MAPK8: variants seen among roughly 807,000 people sequenced by gnomAD.
MAPK8 encodes the protein mitogen-activated protein kinase 8, also known as JUN N-terminal kinase.
MAPK8 carries 13 observed loss-of-function variants against 52.9 expected under a neutral mutation model. The ratio of observed to expected loss-of-function variants is 0.25; its 90% CI spans 0.16 to 0.39. The LOEUF (loss-of-function observed/expected upper bound fraction) is 0.39. Ranked by LOEUF, MAPK8 falls within the 10% of genes least tolerant of loss-of-function variation. The pLI, the probability that MAPK8 is intolerant of heterozygous loss-of-function variation, is 1.00. For synonymous variants in MAPK8, 191 were observed against 169.8 expected (o/e 1.12, Z -0.97); for missense variants, 300 against 519.2 (o/e 0.58, Z 4.10).
chr10:48,374,792 T>G (rs1425529182), intron 1 of MAPK8, among the ~76,000 whole-genome samples: 1 of 152,078 alleles, frequency 6.6e-6, no homozygotes, highest in African/African-American at 2.4e-5. Flanking sequence ...GATTCACAGT[T>G]GAATTCTACC....
At chr10:48,373,310 A>G (rs1417859704) in intron 1 of MAPK8, among the ~76,000 whole-genome samples, 6 of 152,102 alleles carry the variant, frequency 3.9e-5, no homozygotes, top group South Asian at 4.1e-4. Context: ...CATCAATGCT[A>G]TGAAGAAACT....
At chr10:48,365,817 A>G (rs1031599785) in intron 1 of MAPK8, among the ~76,000 whole-genome samples, 1 of 151,932 alleles carries the variant, frequency 6.6e-6, no homozygotes, top group Non-Finnish European at 1.5e-5. Context: ...AGCATGTCTC[A>G]TGTGTTACAG....
At chr10:48,403,673 CATATT>C (rs768698522) in intron 2 of MAPK8, among the ~76,000 whole-genome samples, 7 of 152,024 alleles carry the variant, frequency 4.6e-5, no homozygotes, top group Non-Finnish European at 8.8e-5. Flanking sequence ...TAAAGAAAAT[CATATT>C]ATATAGTCAG....
chr10:48,432,623 T>G (rs186135620), intron 11 of MAPK8, among the ~76,000 whole-genome samples: 1 of 152,316 alleles, frequency 6.6e-6, no homozygotes, highest in African/African-American at 2.4e-5. Context: ...ATTTGAAAAG[T>G]TCATTATGTG....
At chr10:48,353,054 C>G (rs1006654035) in intron 1 of MAPK8, among the ~76,000 whole-genome samples, 1 of 152,012 alleles carries the variant, frequency 6.6e-6, no homozygotes, top group African/African-American at 2.4e-5. Flanking sequence ...ATGCATAGGA[C>G]TTGTTGGATG....
At chr10:48,419,516 GC>G (rs2043234774) in intron 5 of MAPK8, among the ~76,000 whole-genome samples, 1 of 152,158 alleles carries the variant, frequency 6.6e-6, no homozygotes, top group African/African-American at 2.4e-5. Flanking sequence ...AGTATCTATA[GC>G]AAGTAATTTT....
chr10:48,401,915 CT>C, intron 2 of MAPK8, 133 bp downstream of exon 2: 2 of 653,488 alleles, frequency 3.1e-6, no homozygotes, highest in Non-Finnish European at 2.3e-6. Context: ...TAAACGAAAA[CT>C]ATTCCACAGT....
rs566943599 is a variant in MAPK8 at position 48,403,382 on chromosome 10, C to T, written c.123-1470C>T. Among the ~76,000 whole-genome samples the T allele has an allele frequency of 4.0e-5, 6 of 151,524 alleles. No individual in the cohort carries two copies. In the East Asian group the frequency reaches 5.8e-4, roughly 15 times the overall value. ...CGGAGGCAGGAGAATAGCTTGAACC[C>T]GGGAGGTGGAGGTTGTGGTGAGCTG... On this transcript the variant is annotated intron_variant, in intron 2 of 11. Coordinates refer to ENST00000374189, the MANE Select transcript of MAPK8 (RefSeq NM_001323329.2).
At chr10:48,405,567 T>G (rs2042419745) in intron 3 of MAPK8, among the ~76,000 whole-genome samples, 1 of 152,242 alleles carries the variant, frequency 6.6e-6, no homozygotes, top group Non-Finnish European at 1.5e-5. Context: ...TTTATAAAGA[T>G]ATATAAGTTG....
chr10:48,328,832 T>C (rs17770535), intron 1 of MAPK8, among the ~76,000 whole-genome samples: 8,859 of 152,334 alleles, frequency 0.058, 614 homozygotes, highest in Admixed American at 0.21. Flanking sequence ...ATTTATACTT[T>C]GCCAGTTTGT....
At chr10:48,413,858 T>TATTCAATATATATATATATATATATAACA in intron 5 of MAPK8, among the ~76,000 whole-genome samples, 1 of 133,652 alleles carries the variant, frequency 7.5e-6, no homozygotes, top group South Asian at 2.4e-4. Context: ...TATATATATA[T>TATTCAATATATATATATATATATATAACA]ATTCAGAAAT....
At chr10:48,392,660 C>G (rs1442134333) in intron 1 of MAPK8, among the ~76,000 whole-genome samples, 2 of 151,938 alleles carry the variant, frequency 1.3e-5, no homozygotes, top group African/African-American at 4.8e-5. Context: ...TTCCCCCATT[C>G]TCACTCTTCC....
chr10:48,330,960 G>A (rs139865447), intron 1 of MAPK8, among the ~76,000 whole-genome samples: 2 of 152,180 alleles, frequency 1.3e-5, no homozygotes, highest in East Asian at 1.9e-4. Context: ...TTTGTTTCTC[G>A]GTCTAGAATG....
chr10:48,329,723 A>G (rs1843922427), intron 1 of MAPK8, among the ~76,000 whole-genome samples: 2 of 152,170 alleles, frequency 1.3e-5, no homozygotes, highest in Non-Finnish European at 2.9e-5. Flanking sequence ...TGGAAATCCT[A>G]GATTCTTAGA....
intron 1 of MAPK8, among the ~76,000 whole-genome samples, chr10:48,335,641 A>C (rs1844614401): frequency 6.6e-6 from 1 of 152,168 alleles, no homozygotes; most frequent in Non-Finnish European, 1.5e-5. Flanking sequence ...CCCTAGCCCA[A>C]ATAACATAGT....
chr10:48,334,702 C>A (rs183597327), intron 1 of MAPK8, among the ~76,000 whole-genome samples: 1 of 152,238 alleles, frequency 6.6e-6, no homozygotes, highest in East Asian at 1.9e-4. Context: ...GCATAAAGAT[C>A]CCAGACGGGC....
At chr10:48,413,133 T>C (rs1446057792) in intron 5 of MAPK8, among the ~76,000 whole-genome samples, 11 of 152,354 alleles carry the variant, frequency 7.2e-5, no homozygotes, top group Middle Eastern at 3.4e-3. Context: ...TTTCTTCCTT[T>C]TCAAGGCTGA....
intron 5 of MAPK8, among the ~76,000 whole-genome samples, chr10:48,416,094 T>A (rs1427953014): frequency 6.6e-6 from 1 of 152,194 alleles, no homozygotes; most frequent in Non-Finnish European, 1.5e-5. Flanking sequence ...CTACTTATTC[T>A]AGATTCACCT....
chr10:48,318,715 G>A (rs1214520069), intron 1 of MAPK8, among the ~76,000 whole-genome samples: 1 of 152,180 alleles, frequency 6.6e-6, no homozygotes, highest in African/African-American at 2.4e-5. Flanking sequence ...GGGTCAGTCT[G>A]CATGCATGGT....
Sources: gnomAD v4.1 joint callset for allele counts (sites outside exome capture counted in the v4.1 genomes callset) on GRCh38, gnomAD v4.1.1 for gene constraint, MANE v1.5 for transcripts, NCBI Gene and HGNC (gene_info 2026-07-23, HGNC 2026-07-21) for gene names.